The following DOCK1 variants were observed in gnomAD, a reference collection of about 807,000 sequenced individuals.
DOCK1 encodes the protein dedicator of cytokinesis protein 1.
A neutral mutation model predicts 262.7 loss-of-function variants in DOCK1; 138 were observed. That is an observed-to-expected ratio of 0.53 (90% CI 0.46 to 0.61). The LOEUF (loss-of-function observed/expected upper bound fraction) is 0.61. DOCK1 is among the 20% of genes least tolerant of loss of function. DOCK1 has a pLI of 0.00. For synonymous variants in DOCK1, 866 were observed against 867.4 expected (o/e 1.00, Z 0.03); for missense variants, 1,908 against 2,370.7 (o/e 0.80, Z 4.05).
At chr10:127,389,783 C>T (rs1055018821) in intron 38 of DOCK1, among the ~76,000 whole-genome samples, 1 of 151,944 alleles carries the variant, frequency 6.6e-6, no homozygotes, top group Admixed American at 6.6e-5. Context: ...CGGGCTGAGG[C>T]GGGGCAGATC....
At chr10:127,222,024 A>G (rs541399219) in intron 27 of DOCK1, among the ~76,000 whole-genome samples, 1 of 144,490 alleles carries the variant, frequency 6.9e-6, no homozygotes. Context: ...GCTGCGTAAC[A>G]AAGTAATATT....
At chr10:127,361,928 C>T (rs746102992) in intron 32 of DOCK1, 136 bp from the exon 33 acceptor site, 27 of 980,520 alleles carry the variant, frequency 2.8e-5, no homozygotes, top group Admixed American at 6.2e-5. Context: ...CATCTGCAGA[C>T]GCGAAATGGA....
At chr10:127,221,716 G>A (rs948314734) in intron 27 of DOCK1, among the ~76,000 whole-genome samples, 2 of 152,186 alleles carry the variant, frequency 1.3e-5, no homozygotes, top group Non-Finnish European at 2.9e-5. Context: ...AGAGCTGTCC[G>A]GTGCAACTCA....
At chr10:127,101,678 C>T (rs2048257519) in intron 23 of DOCK1, among the ~76,000 whole-genome samples, 1 of 152,216 alleles carries the variant, frequency 6.6e-6, no homozygotes, top group Non-Finnish European at 1.5e-5. Context: ...TCCCGATTCA[C>T]ACAGTGTCCG....
At chr10:126,911,511 G>T (rs895205309) in intron 1 of DOCK1, among the ~76,000 whole-genome samples, 14 of 152,196 alleles carry the variant, frequency 9.2e-5, no homozygotes, top group African/African-American at 3.4e-4. Flanking sequence ...GTGGTCGCTT[G>T]TCAAGATGCG....
chr10:127,295,680 C>T (rs1283171364), intron 29 of DOCK1, among the ~76,000 whole-genome samples: 3 of 148,946 alleles, frequency 2.0e-5, no homozygotes, highest in Admixed American at 6.6e-5. Flanking sequence ...CACCCCACCC[C>T]GATAAAAAAA....
chr10:127,362,854 TGTACATCCCCACACAC>T (rs1565026491), intron 33 of DOCK1, among the ~76,000 whole-genome samples: 10 of 27,730 alleles, frequency 3.6e-4, no homozygotes, highest in Non-Finnish European at 5.7e-4. Flanking sequence ...CACACACACA[TGTACATCCCCACACAC>T]ACACATACAC....
At chr10:127,370,517 C>G (rs549130302) in intron 33 of DOCK1, among the ~76,000 whole-genome samples, 2 of 152,132 alleles carry the variant, frequency 1.3e-5, no homozygotes, top group Non-Finnish European at 2.9e-5. Flanking sequence ...ATTATAGATG[C>G]ATTAGAGTAA....
rs1274639621 is a variant in DOCK1 at position 126,995,928 on chromosome 10, G to C, written c.474-820G>C. Among the ~76,000 whole-genome samples the C allele has an allele frequency of 2.0e-5, 3 of 152,076 alleles. No individual in the cohort carries two copies. Among genetic ancestry groups the C allele is most frequent in the Non-Finnish European group, 4.4e-5 (3 of 68,020 alleles). ...GCAGGGATCCCTATTGGGGTCAGTG[G>C]GGAGTAAAAAGGTGGTGGATAGATC... On this transcript the variant is annotated intron_variant, in intron 6 of 51. Coordinates refer to ENST00000623213, the MANE Select transcript of DOCK1 (RefSeq NM_001290223.2). The surrounding 1 kb of genome is among the most constrained non-coding windows in gnomAD (Gnocchi z 5.8).
At chr10:127,032,381 A>G in intron 18 of DOCK1, 61 bp downstream of exon 18, 4 of 1,447,374 alleles carry the variant, frequency 2.8e-6, no homozygotes, top group Middle Eastern at 2.3e-4. Context: ...TGTCTTTTCC[A>G]TGCTCCTTCC....
intron 27 of DOCK1, among the ~76,000 whole-genome samples, chr10:127,141,637 C>G (rs919494160): frequency 2.0e-5 from 3 of 151,972 alleles, no homozygotes; most frequent in South Asian, 2.1e-4. Context: ...TGCCACTGCA[C>G]TCCACCCTGG....
chr10:126,945,331 C>G (rs1016589351), intron 1 of DOCK1, among the ~76,000 whole-genome samples: 3 of 151,922 alleles, frequency 2.0e-5, no homozygotes, highest in Non-Finnish European at 4.4e-5. Context: ...AGGGTACTTG[C>G]ATTTCCTTCC....
chr10:126,949,445 G>T (rs1217186387), intron 1 of DOCK1, among the ~76,000 whole-genome samples: 2 of 152,132 alleles, frequency 1.3e-5, no homozygotes, highest in Non-Finnish European at 2.9e-5. Context: ...ATACATGGCA[G>T]TCCAAAGTGG....
At chr10:127,183,446 C>T (rs1387004374) in intron 27 of DOCK1, among the ~76,000 whole-genome samples, 1 of 152,184 alleles carries the variant, frequency 6.6e-6, no homozygotes, top group East Asian at 1.9e-4. Context: ...GCATGGTCTT[C>T]GGTTCACTGC....
At chr10:127,376,786 A>G (rs912572176) in intron 35 of DOCK1, among the ~76,000 whole-genome samples, 5 of 152,124 alleles carry the variant, frequency 3.3e-5, no homozygotes, top group East Asian at 1.9e-4. Flanking sequence ...GATGATTGAG[A>G]CTTTTATTTG....
chr10:127,341,757 C>G (rs1054708807), intron 30 of DOCK1, among the ~76,000 whole-genome samples: 1 of 152,196 alleles, frequency 6.6e-6, no homozygotes, highest in Non-Finnish European at 1.5e-5. Context: ...ACCTTACAAG[C>G]CACGTGCTTC....
rs200582355 is a variant in DOCK1, at chr10:127,026,398, C to T, written c.1598C>T (p.Thr533Ile). The T allele has an allele frequency of 1.3e-6, 2 of 1,579,478 alleles. No homozygotes were observed. Among genetic ancestry groups the T allele is most frequent in the Non-Finnish European group, 1.7e-6 (2 of 1,161,288 alleles). Residue 533 changes from threonine (T) to isoleucine (I), a missense_variant, in exon 16 of 52, where the codon ACC (threonine) becomes ATC (isoleucine). Coordinates refer to ENST00000623213, the MANE Select transcript of DOCK1 (RefSeq NM_001290223.2). The part of the protein sequence containing the change: ...EDVNRSHLRF[T>I]FRHRSSQDSK... ...GTTAACCGCAGTCACCTTCGGTTTA[C>T]CTTCCGCCACAGGTCATCACAGGAC...
intron 1 of DOCK1, among the ~76,000 whole-genome samples, chr10:126,911,887 TGAC>T (rs2031823743): frequency 6.6e-6 from 1 of 152,208 alleles, no homozygotes; most frequent in South Asian, 2.1e-4. Flanking sequence ...GCTTTGGAGC[TGAC>T]GTTGAAATCA....
chr10:127,404,485 C>T, intron 40 of DOCK1, 56 bp downstream of exon 40: 6 of 1,533,908 alleles, frequency 3.9e-6, no homozygotes, highest in Non-Finnish European at 3.6e-6. Flanking sequence ...CAGAAAATCC[C>T]CTTCCCGTTC....
Sources: gnomAD v4.1 joint callset for allele counts (sites outside exome capture counted in the v4.1 genomes callset) on GRCh38, gnomAD v4.1.1 for gene constraint, Gnocchi (gnomAD v3.1) non-coding constraint, MANE v1.5 for transcripts, NCBI Gene and HGNC (gene_info 2026-07-23, HGNC 2026-07-21) for gene names.